The following ITGA9 variants were observed in gnomAD, a reference collection of about 807,000 sequenced individuals.
ITGA9 encodes the protein integrin subunit alpha 9, also known as integrin alpha-9.
A neutral mutation model predicts 127.8 loss-of-function variants in ITGA9; 56 were observed. The observed-to-expected ratio is 0.44, with a 90% CI of 0.35 to 0.55. The LOEUF (loss-of-function observed/expected upper bound fraction) is 0.55, where lower values mean the gene tolerates loss of function less well. Among genes scored for constraint, ITGA9 ranks in the 20% least tolerant of loss-of-function variants. The pLI, the probability that ITGA9 is intolerant of heterozygous loss-of-function variation, is 0.00. For missense variants in ITGA9, 1,196 were observed against 1,347.1 expected (o/e 0.89, Z 1.76); for synonymous variants, 508 against 514.5 (o/e 0.99, Z 0.17).
intron 15 of ITGA9, among the ~76,000 whole-genome samples, chr3:37,564,393 G>T (rs1187769563): frequency 6.6e-6 from 1 of 152,120 alleles, no homozygotes; most frequent in Non-Finnish European, 1.5e-5. Flanking sequence ...GATCTCTGGG[G>T]TCCTCACCAT....
At chr3:37,621,995 C>T (rs776355508) in intron 15 of ITGA9, among the ~76,000 whole-genome samples, 3 of 152,156 alleles carry the variant, frequency 2.0e-5, no homozygotes, top group Non-Finnish European at 2.9e-5. Context: ...CTAGTTCAAA[C>T]AGTTCAAGCA....
intron 8 of ITGA9, among the ~76,000 whole-genome samples, chr3:37,510,771 G>A (rs1200994874): frequency 6.6e-6 from 1 of 151,956 alleles, no homozygotes; most frequent in South Asian, 2.1e-4. Flanking sequence ...CTTTTCTTTA[G>A]GGCTCTTCTG....
At position 37,553,738 on chromosome 3, in the gene ITGA9, T is replaced by C. The variant is rs996487; in HGVS notation, c.1689+11153T>C. ...AGGGGAGTTTCAACTCTGGGGAAGG[T>C]GATCATTTGGGTCATTAGTAGCGCT... On this transcript the variant is annotated intron_variant, in intron 15 of 27. Coordinates refer to ENST00000264741, the MANE Select transcript of ITGA9 (RefSeq NM_002207.3). 1.9e-3 allele frequency among the ~76,000 whole-genome samples: 293 copies of C among 152,268 alleles called. 2 individuals carry two copies. Among genetic ancestry groups the C allele is most frequent in the Non-Finnish European group, 3.1e-3 (213 of 68,014 alleles).
intron 3 of ITGA9, among the ~76,000 whole-genome samples, chr3:37,475,500 A>C (rs1698484623): frequency 1.3e-5 from 2 of 152,368 alleles, no homozygotes; most frequent in South Asian, 4.1e-4. Flanking sequence ...TGAGGACCAC[A>C]GGGAAGATTT....
chr3:37,705,557 C>T (rs903322029), intron 18 of ITGA9, among the ~76,000 whole-genome samples: 3 of 152,184 alleles, frequency 2.0e-5, no homozygotes, highest in Non-Finnish European at 2.9e-5. Context: ...AGTCCAGCTT[C>T]GTGTGGGAGA....
intron 15 of ITGA9, among the ~76,000 whole-genome samples, chr3:37,598,028 A>G (rs1699884922): frequency 6.6e-6 from 1 of 152,254 alleles, no homozygotes; most frequent in African/African-American, 2.4e-5. Context: ...CCCTATTTGC[A>G]ACAGTCACTA....
At chr3:37,508,107 C>G (rs994002575) in intron 7 of ITGA9, among the ~76,000 whole-genome samples, 4 of 152,184 alleles carry the variant, frequency 2.6e-5, no homozygotes, top group African/African-American at 7.2e-5. Flanking sequence ...TGGGAAACTG[C>G]TTTGTCTACA....
chr3:37,493,904 G>C (rs1421287095), intron 4 of ITGA9, among the ~76,000 whole-genome samples: 1 of 152,202 alleles, frequency 6.6e-6, no homozygotes, highest in Admixed American at 6.5e-5. Flanking sequence ...TGTGAGCTGA[G>C]GGGGTGGAGG....
intron 16 of ITGA9, among the ~76,000 whole-genome samples, chr3:37,648,066 G>A (rs983524574): frequency 5.3e-5 from 8 of 151,252 alleles, no homozygotes; most frequent in Admixed American, 1.3e-4. Flanking sequence ...GGGTCATATA[G>A]TAGTTCTATT....
At chr3:37,665,043 G>A (rs553167053) in intron 17 of ITGA9, among the ~76,000 whole-genome samples, 23 of 148,930 alleles carry the variant, frequency 1.5e-4, no homozygotes, top group Non-Finnish European at 3.1e-4. Flanking sequence ...TGTGATCTCA[G>A]CTCGCTGCAA....
At chr3:37,634,098 A>G (rs1217806798) in intron 16 of ITGA9, among the ~76,000 whole-genome samples, 1 of 152,164 alleles carries the variant, frequency 6.6e-6, no homozygotes, top group Admixed American at 6.5e-5. Context: ...GTAATACAAA[A>G]ATAAAAATAA....
chr3:37,729,676 T>TG lies in ITGA9; in HGVS notation c.2068-3032dup, dbSNP rs1696262119. 2.0e-5 allele frequency among the ~76,000 whole-genome samples: 3 copies of TG among 151,554 alleles called. No individual in the cohort carries two copies. The South Asian group carries it at 6.3e-4, about 32-fold the overall frequency. ...CACATGCAAAAACTGAAGAAGTCTT[T>TG]GGGGCAATAAATCTTTTTGATTTCT... On this transcript the variant is annotated intron_variant, in intron 18 of 27. Transcript: ENST00000264741.
In ITGA9 at chr3:37,639,858, C is replaced by T. The variant is rs116829011; in HGVS notation, c.1839+10522C>T. Among the ~76,000 whole-genome samples, 292 of 152,198 alleles carry T rather than the reference C, an allele frequency of 1.9e-3. 3 individuals are homozygous for T. Among genetic ancestry groups the T allele is most frequent in the African/African-American group, 6.8e-3 (283 of 41,522 alleles). ...ACTAAATGAAACAATCATGGGAAGT[C>T]CTGGCTGGTCCGTGTGCTGGGAAGG... On this transcript the variant is annotated intron_variant, in intron 16 of 27. Coordinates refer to ENST00000264741, the MANE Select transcript of ITGA9 (RefSeq NM_002207.3).
intron 16 of ITGA9, among the ~76,000 whole-genome samples, chr3:37,653,223 G>A (rs1025624484): frequency 1.2e-4 from 18 of 152,196 alleles, no homozygotes; most frequent in Non-Finnish European, 2.9e-5. Flanking sequence ...GCCTTTTCCT[G>A]TTAATACTGA....
intron 18 of ITGA9, among the ~76,000 whole-genome samples, chr3:37,700,469 C>A (rs1700934550): frequency 1.3e-5 from 2 of 152,154 alleles, no homozygotes; most frequent in Non-Finnish European, 1.5e-5. Context: ...TCCTCCCAGC[C>A]TCCGGAGTAG....
chr3:37,654,116 A>G (rs1017311957), intron 17 of ITGA9, among the ~76,000 whole-genome samples: 24 of 152,114 alleles, frequency 1.6e-4, no homozygotes, highest in Non-Finnish European at 2.9e-4. Flanking sequence ...GAAATTGCCA[A>G]TATTTGAACT....
At chr3:37,723,027 G>T (rs1701207460) in intron 18 of ITGA9, among the ~76,000 whole-genome samples, 2 of 152,166 alleles carry the variant, frequency 1.3e-5, no homozygotes, top group Admixed American at 6.5e-5. Context: ...GTAGGAAGTA[G>T]CATCTCTTTG....
intron 15 of ITGA9, among the ~76,000 whole-genome samples, chr3:37,626,897 C>G (rs2125634207): frequency 6.6e-6 from 1 of 152,274 alleles, no homozygotes; most frequent in African/African-American, 2.4e-5. Flanking sequence ...AATGCAAAAC[C>G]TTAAGATAGT....
intron 26 of ITGA9, among the ~76,000 whole-genome samples, chr3:37,793,226 C>G (rs981133428): frequency 1.3e-5 from 2 of 152,026 alleles, no homozygotes; most frequent in Non-Finnish European, 2.9e-5. Context: ...CATACCCCCT[C>G]ACTGGACCCG....
Sources: allele counts gnomAD v4.1 joint callset (sites outside exome capture counted in the v4.1 genomes callset), GRCh38; gene constraint gnomAD v4.1.1; transcripts MANE v1.5; gene names NCBI Gene and HGNC (gene_info 2026-07-23, HGNC 2026-07-21).